The following HS3ST5 variants were observed in gnomAD, a reference collection of about 807,000 sequenced individuals.
The protein encoded by HS3ST5 is heparan sulfate-glucosamine 3-sulfotransferase 5, also known as heparan sulfate glucosamine 3-O-sulfotransferase 5.
In HS3ST5, 10 loss-of-function variants were observed where a neutral mutation model predicts 25.4. That is an observed-to-expected ratio of 0.39 (90% CI 0.24 to 0.67). The LOEUF (loss-of-function observed/expected upper bound fraction) is 0.67, where lower values mean the gene tolerates loss of function less well. HS3ST5 is among the 30% of genes least tolerant of loss of function. The pLI is 0.44. For missense variants in HS3ST5, 324 were observed against 420.7 expected (o/e 0.77, Z 2.01); for synonymous variants, 170 against 162.4 (o/e 1.05, Z -0.36).
At chr6:114,259,082 A>T (rs1054982102) in intron 1 of HS3ST5, among the ~76,000 whole-genome samples, 1 of 152,178 alleles carries the variant, frequency 6.6e-6, no homozygotes, top group Non-Finnish European at 1.5e-5. Flanking sequence ...GTTAGCTATT[A>T]ATATTGTTGT....
chr6:114,146,735 T>A (rs1176553254), intron 3 of HS3ST5, among the ~76,000 whole-genome samples: 1 of 152,190 alleles, frequency 6.6e-6, no homozygotes, highest in Non-Finnish European at 1.5e-5. Context: ...CAATATTTGA[T>A]GAGGTCTCAT....
chr6:114,341,222 G>GGGGAGAGAGGGGGGGAGAGAGAGAGA (rs1776839835), intron 1 of HS3ST5, among the ~76,000 whole-genome samples: 2 of 46,634 alleles, frequency 4.3e-5, no homozygotes, highest in African/African-American at 2.5e-4. Context: ...GGAGAGAGGG[G>GGGGAGAGAGGGGGGGAGAGAGAGAGA]GAGAGAGAGA....
intron 3 of HS3ST5, among the ~76,000 whole-genome samples, chr6:114,104,744 C>T (rs1346547003): frequency 6.6e-6 from 1 of 152,156 alleles, no homozygotes; most frequent in Non-Finnish European, 1.5e-5. Context: ...AAGGAGAATA[C>T]TTTTGGTTCA....
At chr6:114,113,729 G>A (rs1162782004) in intron 3 of HS3ST5, among the ~76,000 whole-genome samples, 3 of 151,656 alleles carry the variant, frequency 2.0e-5, no homozygotes, top group Non-Finnish European at 2.9e-5. Context: ...GGCATATAGT[G>A]TTTCAATAAT....
Position 114,164,435 on chromosome 6 carries a change from G to T in HS3ST5, c.-33+3916C>A, listed in dbSNP as rs548557524. Among the ~76,000 whole-genome samples the T allele has an allele frequency of 3.3e-5, 5 of 152,224 alleles. No individual in the cohort carries two copies. The South Asian group carries it at 1.0e-3, about 32-fold the overall frequency. ...CAAAGTCCAATGTGTTATTGTCACA[G>T]GCCTATATTTTTAGAAATACTTGAC... On this transcript the variant is annotated intron_variant, in intron 3 of 4. Coordinates refer to ENST00000312719, the MANE Select transcript of HS3ST5 (RefSeq NM_153612.4).
At chr6:114,318,065 G>A (rs1775815200) in intron 1 of HS3ST5, among the ~76,000 whole-genome samples, 1 of 152,108 alleles carries the variant, frequency 6.6e-6, no homozygotes, top group Admixed American at 6.6e-5. Context: ...ACTGTAGTGT[G>A]AGCAGATGCC....
At chr6:114,098,424 T>A (rs115667789) in intron 3 of HS3ST5, among the ~76,000 whole-genome samples, 65 of 150,240 alleles carry the variant, frequency 4.3e-4, no homozygotes, top group African/African-American at 1.6e-3. Flanking sequence ...ATATTAAATA[T>A]AGATGATAAA....
intron 3 of HS3ST5, among the ~76,000 whole-genome samples, chr6:114,116,771 T>G (rs1458992630): frequency 1.3e-5 from 2 of 152,122 alleles, no homozygotes; most frequent in Non-Finnish European, 2.9e-5. Flanking sequence ...AACTCTTACT[T>G]AATGAGTTTA....
chr6:114,255,345 A>T (rs901029079), intron 1 of HS3ST5, among the ~76,000 whole-genome samples: 1 of 152,166 alleles, frequency 6.6e-6, no homozygotes, highest in Non-Finnish European at 1.5e-5. Context: ...TGCAGGGTGC[A>T]GCCTCCCTCC....
intron 3 of HS3ST5, among the ~76,000 whole-genome samples, chr6:114,135,658 A>G (rs993062044): frequency 6.6e-6 from 1 of 152,130 alleles, no homozygotes; most frequent in African/African-American, 2.4e-5. Flanking sequence ...TTTTTCTGTG[A>G]TGTTTTCTCC....
chr6:114,330,011 T>G (rs1776327716), intron 1 of HS3ST5, among the ~76,000 whole-genome samples: 1 of 152,200 alleles, frequency 6.6e-6, no homozygotes. Flanking sequence ...TTCTTCTTCC[T>G]GCTACTCCCT....
intron 3 of HS3ST5, among the ~76,000 whole-genome samples, chr6:114,091,305 T>C (rs1482473386): frequency 2.0e-5 from 3 of 152,218 alleles, no homozygotes; most frequent in Non-Finnish European, 2.9e-5. Flanking sequence ...TTAAAGCCAC[T>C]GAGTCTTCAG....
At chr6:114,204,913 T>A (rs185013093) in intron 2 of HS3ST5, among the ~76,000 whole-genome samples, 1 of 152,160 alleles carries the variant, frequency 6.6e-6, no homozygotes, top group Admixed American at 6.6e-5. Flanking sequence ...CAGCTCTTGA[T>A]AAGTACACAA....
At chr6:114,341,222 G>GGAGGGAGAGAGAGAGAGA (rs1776840967) in intron 1 of HS3ST5, among the ~76,000 whole-genome samples, 1 of 46,600 alleles carries the variant, frequency 2.1e-5, no homozygotes, top group Non-Finnish European at 3.6e-5. Flanking sequence ...GGAGAGAGGG[G>GGAGGGAGAGAGAGAGAGA]GAGAGAGAGA....
In HS3ST5 at chr6:114,269,327, A is replaced by C. The variant is rs1381646074; in HGVS notation, c.-338-40549T>G. Among the ~76,000 whole-genome samples, 5 of 152,168 alleles carry C rather than the reference A, an allele frequency of 3.3e-5. No homozygotes were observed. The East Asian group carries it at 9.7e-4, about 29-fold the overall frequency. ...CTGATTCAGTGCTCATCCTGTTTCT[A>C]TCATATTATGGTACCTCTATGAAAA... is the stretch of plus-strand genomic sequence containing the variant. On this transcript the variant is annotated intron_variant, in intron 1 of 4. Transcript: ENST00000312719.
At chr6:114,185,651 CTG>C (rs1780183247) in intron 2 of HS3ST5, among the ~76,000 whole-genome samples, 1 of 151,862 alleles carries the variant, frequency 6.6e-6, no homozygotes, top group African/African-American at 2.4e-5. Context: ...CTTCATGTCT[CTG>C]TGTCATAATT....
At chr6:114,080,724 A>G (rs7760107) in intron 3 of HS3ST5, among the ~76,000 whole-genome samples, 2,036 of 152,272 alleles carry the variant, frequency 0.013, 43 homozygotes, top group African/African-American at 0.047. Flanking sequence ...AGTGGGAGCT[A>G]AACATTGAGC....
At chr6:114,066,974 C>G (rs1268992785) in intron 3 of HS3ST5, among the ~76,000 whole-genome samples, 1 of 152,232 alleles carries the variant, frequency 6.6e-6, no homozygotes, top group African/African-American at 2.4e-5. Flanking sequence ...CCAGTGTGGA[C>G]AGTCAGCTTC....
intron 3 of HS3ST5, among the ~76,000 whole-genome samples, chr6:114,161,587 C>A (rs9374439): frequency 0.34 from 31,679 of 93,162 alleles, 5,751 homozygotes; most frequent in East Asian, 0.59. Context: ...AATGCAATGG[C>A]GTGTATGTGT....
Sources: allele counts gnomAD v4.1 joint callset (sites outside exome capture counted in the v4.1 genomes callset), GRCh38; gene constraint gnomAD v4.1.1; transcripts MANE v1.5; gene names NCBI Gene and HGNC (gene_info 2026-07-23, HGNC 2026-07-21).